The following TMEM71 variants were observed in gnomAD, a reference collection of about 807,000 sequenced individuals.
TMEM71 encodes transmembrane protein 71.
Under a neutral mutation model 38.0 loss-of-function variants are expected in TMEM71, and 44 were observed. That is an observed-to-expected ratio of 1.16 (90% CI 0.91 to 1.49). The LOEUF (loss-of-function observed/expected upper bound fraction) is 1.49. TMEM71 is among the 40% of genes most tolerant of loss of function. TMEM71 has a pLI of 0.00. For synonymous variants in TMEM71, 133 were observed against 122.5 expected (o/e 1.09, Z -0.56); for missense variants, 367 against 348.6 (o/e 1.05, Z -0.42).
intron 5 of TMEM71, among the ~76,000 whole-genome samples, chr8:132,737,815 A>G (rs1434791996): frequency 1.3e-5 from 2 of 152,174 alleles, no homozygotes; most frequent in Non-Finnish European, 2.9e-5. Flanking sequence ...CTTGTTTTCC[A>G]TAAGTAGACT....
chr8:132,726,277 A>C (rs1199229666), intron 6 of TMEM71, among the ~76,000 whole-genome samples: 1 of 151,374 alleles, frequency 6.6e-6, no homozygotes, highest in Non-Finnish European at 1.5e-5. Context: ...AACAAAAAAA[A>C]CCCTTGAACA....
At chr8:132,769,394 G>A in the TMEM71 span, among the ~76,000 whole-genome samples, 1 of 152,160 alleles carries the variant, frequency 6.6e-6, no homozygotes, top group East Asian at 1.9e-4. Flanking sequence ...CTTTGAATGG[G>A]TATCTAATTT....
downstream of TMEM71, among the ~76,000 whole-genome samples, chr8:132,709,071 G>A (rs1054861313): frequency 3.3e-5 from 5 of 152,156 alleles, no homozygotes; most frequent in East Asian, 1.9e-4. Context: ...TTATATGCAC[G>A]TAAACAGTTA....
At chr8:132,745,766 C>T (rs751699352) in intron 5 of TMEM71, among the ~76,000 whole-genome samples, 1 of 151,816 alleles carries the variant, frequency 6.6e-6, no homozygotes, top group Non-Finnish European at 1.5e-5. Flanking sequence ...AAAGAATCAA[C>T]CTAGGTTTCC....
chr8:132,740,419 T>C (rs571756265), intron 5 of TMEM71, among the ~76,000 whole-genome samples: 14 of 152,350 alleles, frequency 9.2e-5, no homozygotes, highest in Non-Finnish European at 4.4e-5. Flanking sequence ...CACTCACCAC[T>C]TATTAACATG....
intron 5 of TMEM71, among the ~76,000 whole-genome samples, chr8:132,739,304 CTGTTTTTGTTTT>C (rs759756164): frequency 1.3e-5 from 2 of 152,020 alleles, no homozygotes; most frequent in South Asian, 2.1e-4. Flanking sequence ...TCCAACTCTG[CTGTTTTTGTTTT>C]TGTTTTTGTT....
intron 3 of TMEM71, among the ~76,000 whole-genome samples, chr8:132,754,058 C>G (rs1178757058): frequency 6.6e-6 from 1 of 152,102 alleles, no homozygotes; most frequent in Non-Finnish European, 1.5e-5. Flanking sequence ...GATGGCTTTT[C>G]TCTGAGTATT....
In TMEM71 at chr8:132,715,409, C is replaced by CAAAAAAAAAAAAAAAAAA. The variant is rs975995287; in HGVS notation, c.753-1212_753-1195dup. ...TGGGCGACAGAGCAAGACTCCGTCT[C>CAAAAAAAAAAAAAAAAAA]AAAAAAAAAAAAAAAAAAAAAAAAA... On this transcript the variant is annotated intron_variant, in intron 7 of 9. Coordinates refer to ENST00000677595, the MANE Select transcript of TMEM71 (RefSeq NM_001382403.1). Among the ~76,000 whole-genome samples the CAAAAAAAAAAAAAAAAAA allele has an allele frequency of 5.2e-3, 113 of 21,550 alleles. 4 individuals carry two copies. Among genetic ancestry groups the CAAAAAAAAAAAAAAAAAA allele is most frequent in the Non-Finnish European group, 8.2e-3 (75 of 9,182 alleles). The allele number at this position is 21,550 out of a possible 152,430, so 14.1% of individuals were successfully genotyped here.
chr8:132,746,454 TATATATATAC>T (rs1828377380), intron 5 of TMEM71, among the ~76,000 whole-genome samples: 1 of 17,492 alleles, frequency 5.7e-5, no homozygotes, highest in African/African-American at 1.3e-4. Flanking sequence ...TACATATACA[TATATATATAC>T]ATATATATAT....
Position 132,710,797 on chromosome 8 carries a change from TG to T in TMEM71, c.*169del, listed in dbSNP as rs1826193765. The T allele has an allele frequency of 6.0e-6, 4 of 662,372 alleles. No homozygotes were observed. Among genetic ancestry groups the T allele is most frequent in the Non-Finnish European group, 1.1e-5 (4 of 367,108 alleles). 41.0% of individuals were successfully genotyped at this position (662,372 alleles called of 1,614,324 possible). ...TTTCATGAGCATATTATAATTTTGA[TG>T]GAAAAACTGAGATCATTTTAAAATC... On this transcript the variant is annotated 3_prime_UTR_variant, in exon 10 of 10. Coordinates refer to ENST00000677595, the MANE Select transcript of TMEM71 (RefSeq NM_001382403.1).
At chr8:132,760,610 C>T (rs117450213), upstream of TMEM71, 1 of 152,332 alleles carries the variant, frequency 6.6e-6, no homozygotes, top group East Asian at 1.9e-4. Context: ...GTCAGTCTTA[C>T]AACTTCTCTT....
intron 6 of TMEM71, among the ~76,000 whole-genome samples, chr8:132,724,331 A>G (rs1453981640): frequency 6.6e-6 from 1 of 152,146 alleles, no homozygotes; most frequent in Admixed American, 6.5e-5. Context: ...ACGGCATAGG[A>G]CAGACACTCC....
chr8:132,762,842 CTGTACATATGTAATCT>C (rs1239219446), upstream of TMEM71, among the ~76,000 whole-genome samples: 1 of 152,182 alleles, frequency 6.6e-6, no homozygotes, highest in Non-Finnish European at 1.5e-5. Context: ...GCACTAAACA[CTGTACATATGTAATCT>C]TGTTTCAACC....
chr8:132,772,520 C>A, the TMEM71 span, among the ~76,000 whole-genome samples: 2 of 152,110 alleles, frequency 1.3e-5, no homozygotes, highest in Non-Finnish European at 2.9e-5. Flanking sequence ...TGATCCTGAC[C>A]TTTGACTCTA....
downstream of TMEM71, among the ~76,000 whole-genome samples, chr8:132,708,778 A>T (rs2130982596): frequency 6.6e-6 from 1 of 152,340 alleles, no homozygotes; most frequent in South Asian, 2.1e-4. Flanking sequence ...TACAAAAATT[A>T]TTTAAAGAAG....
At chr8:132,724,585 G>C (rs1178415424) in intron 6 of TMEM71, among the ~76,000 whole-genome samples, 4 of 152,210 alleles carry the variant, frequency 2.6e-5, no homozygotes, top group African/African-American at 9.6e-5. Flanking sequence ...AAGGTGCACT[G>C]ATTTCATATT....
At chr8:132,751,707 T>G in intron 4 of TMEM71, 78 bp downstream of exon 4, 1 of 1,376,242 alleles carries the variant, frequency 7.3e-7, no homozygotes, top group Non-Finnish European at 1.0e-6. Flanking sequence ...AAAAGATAGT[T>G]GAGTGAATAA....
intron 2 of TMEM71, among the ~76,000 whole-genome samples, chr8:132,757,523 C>T (rs979290488): frequency 2.6e-5 from 4 of 152,118 alleles, no homozygotes; most frequent in Non-Finnish European, 4.4e-5. Context: ...TCTGTTCCTT[C>T]ATCCACATAA....
At chr8:132,720,586 G>A (rs1020312507) in intron 7 of TMEM71, among the ~76,000 whole-genome samples, 1 of 152,104 alleles carries the variant, frequency 6.6e-6, no homozygotes, top group African/African-American at 2.4e-5. Flanking sequence ...GTCCCATTGT[G>A]ATCTAAAAAT....
Sources: gnomAD v4.1 joint callset for allele counts (sites outside exome capture counted in the v4.1 genomes callset) on GRCh38, gnomAD v4.1.1 for gene constraint, MANE v1.5 for transcripts, NCBI Gene and HGNC (gene_info 2026-07-23, HGNC 2026-07-21) for gene names.